FBXL17: variants seen among roughly 807,000 people sequenced by gnomAD.
FBXL17 encodes F-box/LRR-repeat protein 17.
Under a neutral mutation model 66.2 loss-of-function variants are expected in FBXL17, and 22 were observed. The observed-to-expected ratio is 0.33, with a 90% confidence interval of 0.24 to 0.47. FBXL17 has a LOEUF of 0.47. FBXL17 is among the 20% of genes least tolerant of loss of function. The pLI is 1.00. For missense variants in FBXL17, 878 were observed against 948.2 expected (o/e 0.93, Z 0.97); for synonymous variants, 474 against 400.5 (o/e 1.18, Z -2.19).
chr5:108,112,284 G>A (rs890400469), intron 6 of FBXL17, among the ~76,000 whole-genome samples: 1 of 152,194 alleles, frequency 6.6e-6, no homozygotes, highest in Non-Finnish European at 1.5e-5. Context: ...GAATAAGTGG[G>A]AAATATCTGG....
At chr5:107,986,741 T>C (rs1213634890) in intron 7 of FBXL17, among the ~76,000 whole-genome samples, 1 of 152,006 alleles carries the variant, frequency 6.6e-6, no homozygotes, top group African/African-American at 2.4e-5. Context: ...GCACTATAAC[T>C]TTCTAGTTAG....
intron 7 of FBXL17, among the ~76,000 whole-genome samples, chr5:107,980,782 G>A (rs1040018826): frequency 6.8e-6 from 1 of 147,846 alleles, no homozygotes; most frequent in Admixed American, 6.8e-5. Flanking sequence ...TCAGCCTCCT[G>A]AGTAGCTGGG....
chr5:108,173,688 CAG>C (rs1752690782), intron 6 of FBXL17, among the ~76,000 whole-genome samples: 4 of 152,066 alleles, frequency 2.6e-5, no homozygotes, highest in South Asian at 4.1e-4. Flanking sequence ...TATGGAAAGA[CAG>C]AGGTAAAGGA....
At chr5:108,220,268 C>G (rs1034472371) in intron 5 of FBXL17, among the ~76,000 whole-genome samples, 1 of 152,106 alleles carries the variant, frequency 6.6e-6, no homozygotes, top group South Asian at 2.1e-4. Flanking sequence ...CCTCTGAAAT[C>G]TGGCTGTTTT....
Position 108,143,620 on chromosome 5 carries a change from A to G in FBXL17, c.1745+42497T>C, listed in dbSNP as rs938568375. Reference sequence around the variant, plus strand: ...AATATTTAAGTATATTTTGAAGCCCAGATAGCTCCAAGAAAGTCACATCCA... The same window carrying G: ...AATATTTAAGTATATTTTGAAGCCCGGATAGCTCCAAGAAAGTCACATCCA... On this transcript the variant is annotated intron_variant, in intron 6 of 8. Transcript: ENST00000542267. 4.0e-5 allele frequency among the ~76,000 whole-genome samples: 6 copies of G among 151,796 alleles called. No homozygotes were observed. The East Asian group carries it at 9.7e-4, about 25-fold the overall frequency.
intron 6 of FBXL17, among the ~76,000 whole-genome samples, chr5:108,090,070 CT>C (rs1749131919): frequency 6.6e-6 from 1 of 152,180 alleles, no homozygotes; most frequent in South Asian, 2.1e-4. Flanking sequence ...CTCAAGCAAT[CT>C]ACCCGCCTTG....
intron 4 of FBXL17, among the ~76,000 whole-genome samples, chr5:108,270,307 C>T (rs1046278988): frequency 2.0e-5 from 3 of 151,856 alleles, no homozygotes; most frequent in African/African-American, 4.8e-5. Flanking sequence ...ATCCATTCCA[C>T]TCATAGGTTG....
intron 7 of FBXL17, among the ~76,000 whole-genome samples, chr5:107,935,052 C>T (rs932424476): frequency 6.6e-6 from 1 of 151,582 alleles, no homozygotes; most frequent in Non-Finnish European, 1.5e-5. Context: ...TGTAGATCAA[C>T]AAGATGGTAT....
At chr5:108,308,986 T>C (rs1289099142) in intron 4 of FBXL17, among the ~76,000 whole-genome samples, 1 of 152,066 alleles carries the variant, frequency 6.6e-6, no homozygotes, top group East Asian at 1.9e-4. Context: ...TCAGAATATG[T>C]TCTCAGGAAA....
At chr5:108,149,601 T>C (rs1402124369) in intron 6 of FBXL17, among the ~76,000 whole-genome samples, 2 of 152,234 alleles carry the variant, frequency 1.3e-5, no homozygotes, top group African/African-American at 2.4e-5. Flanking sequence ...TACAGTGGCT[T>C]CAGTTGGGCA....
intron 4 of FBXL17, among the ~76,000 whole-genome samples, chr5:108,242,349 TTTGTTGTTGTTGTTGTTG>T (rs70996988): frequency 0.014 from 2,050 of 146,916 alleles, 36 homozygotes; most frequent in African/African-American, 0.043. Flanking sequence ...GCCTGGCTAG[TTTGTTGTTGTTGTTGTTG>T]TTGTTGTTGT....
intron 6 of FBXL17, among the ~76,000 whole-genome samples, chr5:108,166,140 A>C (rs2150011641): frequency 6.6e-6 from 1 of 152,372 alleles, no homozygotes; most frequent in East Asian, 1.9e-4. Context: ...ACTGACAAAT[A>C]TCTCAGGAAA....
chr5:107,892,079 T>C (rs1034108554), intron 7 of FBXL17, among the ~76,000 whole-genome samples: 1 of 152,114 alleles, frequency 6.6e-6, no homozygotes, highest in African/African-American at 2.4e-5. Flanking sequence ...CATTTTATAA[T>C]AAAGTTATTG....
At chr5:108,132,061 C>A (rs1296288899) in intron 6 of FBXL17, among the ~76,000 whole-genome samples, 1 of 151,732 alleles carries the variant, frequency 6.6e-6, no homozygotes, top group East Asian at 1.9e-4. Flanking sequence ...ATCGCAACCT[C>A]CGCCTCCCAG....
chr5:108,268,896 T>A (rs1317002971), intron 4 of FBXL17, among the ~76,000 whole-genome samples: 1 of 152,016 alleles, frequency 6.6e-6, no homozygotes, highest in Non-Finnish European at 1.5e-5. Flanking sequence ...TTAATACAAG[T>A]TTTATGTGCC....
intron 6 of FBXL17, among the ~76,000 whole-genome samples, chr5:108,066,160 C>A (rs1032071636): frequency 1.3e-5 from 2 of 151,914 alleles, no homozygotes; most frequent in Non-Finnish European, 2.9e-5. Flanking sequence ...TTACTGGGGA[C>A]AAAAGAGACA....
chr5:108,285,599 G>T (rs542464145), intron 4 of FBXL17, among the ~76,000 whole-genome samples: 9 of 151,848 alleles, frequency 5.9e-5, no homozygotes, highest in Non-Finnish European at 1.2e-4. Flanking sequence ...TATTTTGAAA[G>T]AAATCTTTTC....
intron 7 of FBXL17, among the ~76,000 whole-genome samples, chr5:108,006,825 T>C (rs1429829914): frequency 6.6e-6 from 1 of 152,208 alleles, no homozygotes; most frequent in Non-Finnish European, 1.5e-5. Flanking sequence ...ACTATGTACT[T>C]CAGGATAAAG....
chr5:108,155,966 T>C (rs1751981476), intron 6 of FBXL17, among the ~76,000 whole-genome samples: 1 of 152,068 alleles, frequency 6.6e-6, no homozygotes, highest in African/African-American at 2.4e-5. Flanking sequence ...GTACTATAAA[T>C]AAAAAGGCTA....
Sources: gnomAD v4.1 joint callset for allele counts (sites outside exome capture counted in the v4.1 genomes callset) on GRCh38, gnomAD v4.1.1 for gene constraint, MANE v1.5 for transcripts, NCBI Gene and HGNC (gene_info 2026-07-23, HGNC 2026-07-21) for gene names.